The following FXYD3 variants were observed in gnomAD, a reference collection of about 807,000 sequenced individuals.
The protein encoded by FXYD3 is FXYD domain-containing ion transport regulator 3.
FXYD3 carries 13 observed loss-of-function variants against 19.2 expected under a neutral mutation model. The observed-to-expected ratio is 0.68, with a 90% CI of 0.44 to 1.08. The LOEUF (loss-of-function observed/expected upper bound fraction) is 1.08. FXYD3 is among the 50% of genes least tolerant of loss of function. FXYD3 has a pLI of 0.00. For synonymous variants in FXYD3, 48 were observed against 38.9 expected, an observed-to-expected ratio of 1.23 and a Z score of -0.87; for missense variants, 101 against 109.4, an observed-to-expected ratio of 0.92 and a Z score of 0.34.
chr19:35,121,255 C>T lies in FXYD3; in HGVS notation c.97+10C>T, dbSNP rs2290649. ...AGTCCTTTCTACTATGGTGAGAGCC[C>T]GTGCCCCCTTTCCCCTCCCCACAAC... is the stretch of plus-strand genomic sequence containing the variant. On this transcript the variant is annotated intron_variant, in intron 5 of 8. Coordinates refer to ENST00000604404, the MANE Select transcript of FXYD3 (RefSeq NM_005971.4). 3.7e-6 allele frequency: 6 copies of T among 1,613,794 alleles called. No homozygotes were observed. In the South Asian group the frequency reaches 4.4e-5, roughly 12 times the overall value.
chr19:35,122,463 A>C (rs2065063415), intron 5 of FXYD3, among the ~76,000 whole-genome samples: 1 of 152,288 alleles, frequency 6.6e-6, no homozygotes, highest in East Asian at 1.9e-4. Flanking sequence ...CCAAAAACGC[A>C]ATCACTTTTG....
chr19:35,116,971 A>T, intron 2 of FXYD3: 1 of 985,312 alleles, frequency 1.0e-6, no homozygotes, highest in Non-Finnish European at 1.2e-6. Context: ...CCTGAACATG[A>T]GACCATTCTC....
chr19:35,122,627 G>C, intron 5 of FXYD3, 138 bp from the exon 6 acceptor site: 1 of 690,040 alleles, frequency 1.4e-6, no homozygotes, highest in Non-Finnish European at 2.5e-6. Context: ...GAGCACCTGG[G>C]ATTTTGTCTG....
At chr19:35,119,631 T>C in intron 3 of FXYD3, 1 of 552,350 alleles carries the variant, frequency 1.8e-6, no homozygotes. Context: ...TTCCCCATTC[T>C]CTCGATCTCT....
chr19:35,118,720 C>A, intron 2 of FXYD3: 1 of 329,912 alleles, frequency 3.0e-6, no homozygotes, highest in Non-Finnish European at 4.7e-6. Context: ...GCTAGGGCTG[C>A]AGCCAGGAGG....
intron 3 of FXYD3, among the ~76,000 whole-genome samples, chr19:35,120,554 G>A (rs1296068615): frequency 1.3e-5 from 2 of 152,194 alleles, no homozygotes; most frequent in African/African-American, 4.8e-5. Flanking sequence ...CATAGGGCAA[G>A]ACCAGTATTC....
In FXYD3 at chr19:35,123,655, C is replaced by T; in HGVS notation, c.*198C>T. On this transcript the variant is annotated 3_prime_UTR_variant, in exon 9 of 9. Transcript: ENST00000604404. ...AATCTAAAATGATTGTGCCTCTGCC[C>T]AAGCAGCCTGGAGACTTCCTATGTG... 1.6e-6 allele frequency: 1 copy of T among 623,476 alleles called. No individual in the cohort carries two copies. Among genetic ancestry groups the T allele is most frequent in the Non-Finnish European group, 2.8e-6 (1 of 354,572 alleles). 38.6% of individuals were successfully genotyped at this position (623,476 alleles called of 1,614,324 possible).
Position 35,119,742 on chromosome 19 carries a change from T to C in FXYD3, c.40+326T>C, listed in dbSNP as rs572054479. The C allele has an allele frequency of 1.2e-5, 5 of 403,668 alleles. No individual in the cohort carries two copies. The South Asian group carries it at 1.4e-4, about 11-fold the overall frequency. 25.0% of individuals were successfully genotyped at this position (403,668 alleles called of 1,614,324 possible). A position where few individuals can be genotyped will look rare whatever the true frequency, so the allele number is the denominator to read the frequency against. On this transcript the variant is annotated intron_variant, in intron 3 of 8. Coordinates refer to ENST00000604404, the MANE Select transcript of FXYD3 (RefSeq NM_005971.4). ...CTGGAGTGCAATGGCGCAATCACAG[T>C]TCACTACAGCCTTGAACTCCTGGGG...
intron 7 of FXYD3, 50 bp downstream of exon 7, chr19:35,123,004 A>T: frequency 6.5e-7 from 1 of 1,531,240 alleles, no homozygotes; most frequent in Non-Finnish European, 8.8e-7. Flanking sequence ...GACGCTTTTC[A>T]GGGTGAAAGG....
rs796437761 is a variant in FXYD3 at position 35,119,663 on chromosome 19, G to T, written c.40+247G>T. On this transcript the variant is annotated intron_variant, in intron 3 of 8. Transcript: ENST00000604404. The stretch of plus-strand genomic sequence containing the variant: ...CTCTTCTTTTTTTTTGGCTTTTTTT[G>T]TTTTTGTTTTTGTTTTTGTTTTTGT... 1.1e-3 allele frequency: 627 copies of T among 549,676 alleles called. 7 individuals are homozygous for T. Among genetic ancestry groups the T allele is most frequent in the Middle Eastern group, 6.7e-3 (14 of 2,076 alleles). 34.0% of individuals were successfully genotyped at this position (549,676 alleles called of 1,614,324 possible). A position where few individuals can be genotyped will look rare whatever the true frequency, so the allele number is the denominator to read the frequency against.
chr19:35,123,302 A>AC lies in FXYD3; in HGVS notation c.245dup (p.Gly83ArgfsTer31), dbSNP rs760710551. 2 of 1,608,858 alleles carry AC rather than the reference A, an allele frequency of 1.2e-6. No homozygotes were observed. Among genetic ancestry groups the AC allele is most frequent in the Admixed American group, 3.4e-5 (2 of 59,552 alleles). On this transcript the variant is annotated frameshift_variant, in exon 8 of 9. Transcript: ENST00000604404. LOFTEE classifies it high-confidence loss of function. ...TCCAGGGGAGACTCCACCTCTCATC[A>AC]CCCCAGGTAAGATGGGGCAGCATGG...
At chr19:35,118,320 C>T (rs554323184) in intron 2 of FXYD3, 91 of 256,154 alleles carry the variant, frequency 3.6e-4, no homozygotes, top group African/African-American at 2.2e-3. Context: ...TATGCCATTG[C>T]ACTCCAGCCT....
rs2290649 is a variant in FXYD3, at chr19:35,121,255, C to A, written c.97+10C>A. On this transcript the variant is annotated intron_variant, in intron 5 of 8. Coordinates refer to ENST00000604404, the MANE Select transcript of FXYD3 (RefSeq NM_005971.4). ...AGTCCTTTCTACTATGGTGAGAGCC[C>A]GTGCCCCCTTTCCCCTCCCCACAAC... The A allele has an allele frequency of 4.3e-6, 7 of 1,613,734 alleles. No homozygotes were observed. In the Admixed American group the frequency reaches 6.7e-5, roughly 15 times the overall value.
rs773709870 is a variant in FXYD3, at chr19:35,121,243, A to T, written c.95A>T (p.Tyr32Phe). The T allele has an allele frequency of 6.2e-7, 1 of 1,613,984 alleles. No individual in the cohort carries two copies. The highest frequency in any genetic ancestry group is 8.5e-7 in the Non-Finnish European group (1 of 1,179,864). Residue 32 changes from tyrosine to phenylalanine, a missense_variant and splice_region_variant, in exon 5 of 9, where the codon TAT becomes TTT. Tyr to Phe is a conservative substitution (Grantham distance 22, BLOSUM62 3). Coordinates refer to ENST00000604404, the MANE Select transcript of FXYD3 (RefSeq NM_005971.4). ...DLEDKNSPFYYDWHSLQVGGL... is the reference protein window; with the variant it reads ...DLEDKNSPFYFDWHSLQVGGL... ...GCAGATAAAAACAGTCCTTTCTACT[A>T]TGGTGAGAGCCCGTGCCCCCTTTCC...
chr19:35,119,045 C>T (rs901022948), intron 2 of FXYD3: 20 of 726,448 alleles, frequency 2.8e-5, no homozygotes, highest in South Asian at 2.4e-4. Flanking sequence ...CTCAGAGCCT[C>T]AGTCTCCCCA....
At position 35,122,973 on chromosome 19, in the gene FXYD3, A is replaced by T. The variant is rs1173083146; in HGVS notation, c.209+19A>T. 6.4e-7 allele frequency: 1 copy of T among 1,566,120 alleles called. No homozygotes were observed. The highest frequency in any genetic ancestry group is 8.7e-7 in the Non-Finnish European group (1 of 1,154,856). ...AGTCCGGGTAAGATACTGTTCCGGCATGCCCGCCTCAGGCTGACTGGACGC... is the reference window on the plus strand; with the variant it reads ...AGTCCGGGTAAGATACTGTTCCGGCTTGCCCGCCTCAGGCTGACTGGACGC... On this transcript the variant is annotated intron_variant, in intron 7 of 8. Transcript: ENST00000604404.
chr19:35,121,573 C>T (rs2065044766), intron 5 of FXYD3: 2 of 1,385,324 alleles, frequency 1.4e-6, no homozygotes, highest in East Asian at 2.8e-5. Context: ...GATCAAAACC[C>T]TCATCTGGCC....
At chr19:35,116,992 G>A in intron 2 of FXYD3, 1 of 985,352 alleles carries the variant, frequency 1.0e-6, no homozygotes, top group Non-Finnish European at 1.2e-6. Context: ...CCATGGTATG[G>A]AGGAATAGAG....
chr19:35,122,588 C>G, intron 5 of FXYD3, 177 bp from the exon 6 acceptor site: 1 of 611,710 alleles, frequency 1.6e-6, no homozygotes. Flanking sequence ...CACGACAGAT[C>G]GTGTTTGCTG....
Sources: allele counts gnomAD v4.1 joint callset (sites outside exome capture counted in the v4.1 genomes callset), GRCh38; gene constraint gnomAD v4.1.1; transcripts MANE v1.5; gene names NCBI Gene and HGNC (gene_info 2026-07-23, HGNC 2026-07-21).